CCDC174: variants seen among roughly 807,000 people sequenced by gnomAD.
The protein encoded by CCDC174 is coiled-coil domain-containing protein 174.
CCDC174 carries 37 observed loss-of-function variants against 57.1 expected under a neutral mutation model. The ratio of observed to expected loss-of-function variants is 0.65; its 90% CI spans 0.50 to 0.85. CCDC174 has a LOEUF of 0.85. CCDC174 is among the 40% of genes least tolerant of loss of function. The pLI, the probability that CCDC174 is intolerant of heterozygous loss-of-function variation, is 0.00. For synonymous variants in CCDC174, 182 were observed against 190.2 expected (o/e 0.96, Z 0.35); for missense variants, 540 against 574.3 (o/e 0.94, Z 0.61).
chr3:14,668,539 G>T (rs1019012943), intron 9 of CCDC174, among the ~76,000 whole-genome samples: 6 of 152,150 alleles, frequency 3.9e-5, no homozygotes, highest in Admixed American at 1.3e-4. Flanking sequence ...TATATTTAAA[G>T]AAATTTATAT....
intron 5 of CCDC174, 22 bp downstream of exon 5, chr3:14,661,729 C>A: frequency 6.3e-7 from 1 of 1,588,146 alleles, no homozygotes; most frequent in Non-Finnish European, 8.6e-7. Context: ...CATGGATTAG[C>A]TCAGAGGAAC....
chr3:14,667,538 G>A lies in CCDC174; in HGVS notation c.819+20G>A. ...GAACAGGTACAGATAAATCCCAAGT[G>A]ACTGTGAGGAAAGATGTGAGCGCTT... is the stretch of plus-strand genomic sequence containing the variant. On this transcript the variant is annotated intron_variant, in intron 8 of 10. Coordinates refer to ENST00000383794, the MANE Select transcript of CCDC174 (RefSeq NM_016474.5). 6.3e-7 allele frequency: 1 copy of A among 1,580,256 alleles called. No homozygotes were observed.
intron 6 of CCDC174, among the ~76,000 whole-genome samples, chr3:14,665,933 G>A (rs903004676): frequency 6.0e-5 from 9 of 151,022 alleles, no homozygotes; most frequent in African/African-American, 2.2e-4. Flanking sequence ...AGCTACTCAG[G>A]AGGCTGAGGC....
rs769093783 is a variant in CCDC174, at chr3:14,670,852, A to G, written c.1106-44A>G. 7 of 1,441,328 alleles carry G rather than the reference A, an allele frequency of 4.9e-6. No individual in the cohort carries two copies. In the South Asian group the frequency reaches 8.0e-5, roughly 16 times the overall value. 89.3% of individuals were successfully genotyped at this position (1,441,328 alleles called of 1,614,324 possible). A position where few individuals can be genotyped will look rare whatever the true frequency, so the allele number is the denominator to read the frequency against. ...ATAATAGTAACAATAAATTCAACTG[A>G]TTCGTTAATCAGTTCTAATAACTTT... On this transcript the variant is annotated intron_variant, in intron 10 of 10. Transcript: ENST00000383794.
At chr3:14,664,953 G>A in intron 5 of CCDC174, 75 bp from the exon 6 acceptor site, 1 of 1,051,554 alleles carries the variant, frequency 9.5e-7, no homozygotes, top group Non-Finnish European at 1.5e-6. Context: ...CCCCTTCACT[G>A]TTCACCTACT....
intron 1 of CCDC174, among the ~76,000 whole-genome samples, chr3:14,653,264 T>TACC (rs1271988865): frequency 6.6e-6 from 1 of 152,202 alleles, no homozygotes; most frequent in Admixed American, 6.5e-5. Flanking sequence ...GAGCATCTCT[T>TACC]AAAGTTAAAG....
At chr3:14,670,267 C>T (rs537774124) in intron 10 of CCDC174, among the ~76,000 whole-genome samples, 181 bp downstream of exon 10, 2 of 152,354 alleles carry the variant, frequency 1.3e-5, no homozygotes, top group South Asian at 4.1e-4. Context: ...CTCATATGCT[C>T]TGTTTTTAGC....
At chr3:14,655,655 T>C (rs781651738) in intron 3 of CCDC174, 26 bp downstream of exon 3, 10 of 1,459,236 alleles carry the variant, frequency 6.9e-6, no homozygotes, top group South Asian at 1.2e-5. Context: ...CTGGTAAATA[T>C]AGTTAGCTTT....
In CCDC174 at chr3:14,671,791, T is replaced by G. The variant is rs1174680019; in HGVS notation, c.*597T>G. 1 of 152,836 alleles carries G rather than the reference T, an allele frequency of 6.5e-6. No individual in the cohort carries two copies. Among genetic ancestry groups the G allele is most frequent in the East Asian group, 1.9e-4 (1 of 5,198 alleles). 9.5% of individuals were successfully genotyped at this position (152,836 alleles called of 1,614,324 possible). On this transcript the variant is annotated 3_prime_UTR_variant, in exon 11 of 11. Coordinates refer to ENST00000383794, the MANE Select transcript of CCDC174 (RefSeq NM_016474.5). Reference sequence around the variant, plus strand: ...ACTTAATTTTACTGTCATACCATGCTATTACCTACACTCCTGTGTGCAGTG... The same window carrying G: ...ACTTAATTTTACTGTCATACCATGCGATTACCTACACTCCTGTGTGCAGTG...
chr3:14,651,786 C>A lies in CCDC174; in HGVS notation c.-51C>A. 6.3e-7 allele frequency: 1 copy of A among 1,598,686 alleles called. No individual in the cohort carries two copies. Among genetic ancestry groups the A allele is most frequent in the Non-Finnish European group, 8.6e-7 (1 of 1,166,104 alleles). The stretch of plus-strand genomic sequence containing the variant: ...TGCGACGGAGGTAGGCTTACGAGGC[C>A]TGTGTCGGGTAGAAAGGGTCCTTCC... On this transcript the variant is annotated 5_prime_UTR_variant, in exon 1 of 11. The change creates a new upstream start codon in the 5' untranslated region. Transcript: ENST00000383794.
At chr3:14,668,272 C>T in intron 9 of CCDC174, 91 bp downstream of exon 9, 1 of 1,290,564 alleles carries the variant, frequency 7.7e-7, no homozygotes, top group Non-Finnish European at 1.1e-6. Context: ...GAAAATTAGC[C>T]ATTTAGTTTT....
chr3:14,670,713 G>C (rs1238033509), intron 10 of CCDC174, among the ~76,000 whole-genome samples, 183 bp from the exon 11 acceptor site: 2 of 152,160 alleles, frequency 1.3e-5, no homozygotes, highest in East Asian at 1.9e-4. Context: ...TCTTAGCCTG[G>C]TCTTTTATAC....
At chr3:14,660,029 T>C (rs892890779) in intron 4 of CCDC174, among the ~76,000 whole-genome samples, 1 of 152,176 alleles carries the variant, frequency 6.6e-6, no homozygotes, top group African/African-American at 2.4e-5. Context: ...GCACTTTCCC[T>C]GTATAGCAGG....
chr3:14,655,142 C>T (rs1215133150), intron 2 of CCDC174, among the ~76,000 whole-genome samples: 2 of 151,986 alleles, frequency 1.3e-5, no homozygotes, highest in Admixed American at 6.5e-5. Context: ...ATGGCAAAAC[C>T]CCGTCTCTAC....
intron 1 of CCDC174, among the ~76,000 whole-genome samples, chr3:14,654,122 C>G (rs1012564322): frequency 5.3e-5 from 8 of 152,168 alleles, no homozygotes; most frequent in African/African-American, 1.9e-4. Flanking sequence ...TAATCTGAAA[C>G]TAAAAGATGC....
chr3:14,658,622 C>T (rs2031033409), intron 3 of CCDC174, among the ~76,000 whole-genome samples: 1 of 152,110 alleles, frequency 6.6e-6, no homozygotes, highest in South Asian at 2.1e-4. Flanking sequence ...TATTTTAGGC[C>T]CTGGGACCAA....
At chr3:14,652,167 C>T (rs999994207) in intron 1 of CCDC174, among the ~76,000 whole-genome samples, 1 of 152,188 alleles carries the variant, frequency 6.6e-6, no homozygotes, top group South Asian at 2.1e-4. Context: ...CTCACCTCTG[C>T]CCTGCCCACA....
rs1292968065 is a variant in CCDC174 at position 14,669,187 on chromosome 3, G to T, written c.953-747G>T. Among the ~76,000 whole-genome samples, 3 of 152,200 alleles carry T rather than the reference G, an allele frequency of 2.0e-5. No individual in the cohort carries two copies. The East Asian group carries it at 5.8e-4, about 29-fold the overall frequency. ...GGGCATTCTGTTACCCAAAGGAAAA[G>T]GAGGAGTGTGGGTATGAAGGGACGT... On this transcript the variant is annotated intron_variant, in intron 9 of 10. Transcript: ENST00000383794.
Position 14,665,027 on chromosome 3 carries a change from G to A in CCDC174, c.486-1G>A. 6.2e-7 allele frequency: 1 copy of A among 1,612,406 alleles called. No homozygotes were observed. The highest frequency in any genetic ancestry group is 8.5e-7 in the Non-Finnish European group (1 of 1,178,470). The stretch of plus-strand genomic sequence containing the variant: ...TTCACATCTTTTTGCTTTCATTTCA[G>A]GGTGGATTACGTGGACTCTTTGGGG... On this transcript the variant is annotated splice_acceptor_variant, in intron 5 of 10. Transcript: ENST00000383794. LOFTEE classifies it high-confidence loss of function.
Sources: gnomAD v4.1 joint callset for allele counts (sites outside exome capture counted in the v4.1 genomes callset) on GRCh38, gnomAD v4.1.1 for gene constraint, MANE v1.5 for transcripts, NCBI Gene and HGNC (gene_info 2026-07-23, HGNC 2026-07-21) for gene names.